Variants in SH3TC1 observed in about 807,000 individuals in gnomAD.
SH3TC1 encodes the protein SH3 domain and tetratricopeptide repeats 1, also known as SH3 domain and tetratricopeptide repeat-containing protein 1.
Under a neutral mutation model 117.3 loss-of-function variants are expected in SH3TC1, and 135 were observed. The ratio of observed to expected loss-of-function variants is 1.15; its 90% CI spans 1.00 to 1.33. The LOEUF is 1.33. Among genes scored for constraint, SH3TC1 ranks in the 40% most tolerant of loss-of-function variants. The pLI is 0.00. For synonymous variants in SH3TC1, 898 were observed against 816.9 expected (o/e 1.10, Z -1.69); for missense variants, 2,092 against 1,794.3 (o/e 1.17, Z -3.00).
At chr4:8,195,792 C>T (rs911752495), upstream of SH3TC1, among the ~76,000 whole-genome samples, 1 of 152,050 alleles carries the variant, frequency 6.6e-6, no homozygotes, top group Admixed American at 6.5e-5. Context: ...CTGGGGGCAC[C>T]CGCTTTGAGT....
At position 8,233,527 on chromosome 4, in the gene SH3TC1, G is replaced by T. The variant is rs1437065960; in HGVS notation, c.3282+14G>T. 1 of 1,595,284 alleles carries T rather than the reference G, an allele frequency of 6.3e-7. No homozygotes were observed. The highest frequency in any genetic ancestry group is 1.3e-5 in the African/African-American group (1 of 74,528). ...CTCTACATCCAGGTGAGTGATGAGG[G>T]ATGCAGGAGGGCCTCTGCACATGTT... On this transcript the variant is annotated intron_variant, in intron 14 of 17. Coordinates refer to ENST00000245105, the MANE Select transcript of SH3TC1 (RefSeq NM_018986.5).
intron 10 of SH3TC1, chr4:8,224,907 G>C (rs1720315425): frequency 2.1e-6 from 1 of 479,930 alleles, no homozygotes; most frequent in Admixed American, 3.6e-5. Context: ...TAGAACATGA[G>C]AATTCTCTGG....
chr4:8,209,958 G>A lies in SH3TC1; in HGVS notation c.247+136G>A. 1 of 927,262 alleles carries A rather than the reference G, an allele frequency of 1.1e-6. No individual in the cohort carries two copies. Among genetic ancestry groups the A allele is most frequent in the Non-Finnish European group, 1.6e-6 (1 of 621,314 alleles). The allele number at this position is 927,262 out of a possible 1,614,324, so 57.4% of individuals were successfully genotyped here. On this transcript the variant is annotated intron_variant, in intron 3 of 17. Coordinates refer to ENST00000245105, the MANE Select transcript of SH3TC1 (RefSeq NM_018986.5). This position sits in a 1 kb window ranked among gnomAD's most constrained non-coding sequence, Gnocchi z 5.9. The stretch of plus-strand genomic sequence containing the variant: ...CCACCTTAAAATCATGATGGGAATA[G>A]AAAGAAGGGTTTGTTAAATGCGCAT...
Position 8,225,032 on chromosome 4 carries a change from C to A in SH3TC1, c.1244-143C>A, listed in dbSNP as rs1434488507. 82 of 1,014,324 alleles carry A rather than the reference C, an allele frequency of 8.1e-5. No individual in the cohort carries two copies. Among genetic ancestry groups the A allele is most frequent in the Non-Finnish European group, 1.3e-5 (9 of 677,936 alleles). 62.8% of individuals were successfully genotyped at this position (1,014,324 alleles called of 1,614,324 possible). On this transcript the variant is annotated intron_variant, in intron 10 of 17. Coordinates refer to ENST00000245105, the MANE Select transcript of SH3TC1 (RefSeq NM_018986.5). This position sits in a 1 kb window ranked among gnomAD's most constrained non-coding sequence, Gnocchi z 5.5. ...CACCCTGCAACACTCCAGCCCGCAA[C>A]ACCAGCACCCTGCAACATCTCAGCC...
At chr4:8,208,959 C>A (rs1242228224) in intron 2 of SH3TC1, among the ~76,000 whole-genome samples, 1 of 152,194 alleles carries the variant, frequency 6.6e-6, no homozygotes, top group Non-Finnish European at 1.5e-5. Context: ...GATCCTGAGG[C>A]CTGGATAGAG....
At chr4:8,208,539 T>C (rs573675161) in intron 2 of SH3TC1, among the ~76,000 whole-genome samples, 67 of 152,052 alleles carry the variant, frequency 4.4e-4, no homozygotes, top group Non-Finnish European at 7.6e-4. Context: ...GGCTAATTTT[T>C]GTATTTTTAG....
At position 8,228,660 on chromosome 4, in the gene SH3TC1, C is replaced by A; in HGVS notation, c.2950+16C>A. 6.9e-7 allele frequency: 1 copy of A among 1,455,656 alleles called. No homozygotes were observed. Among genetic ancestry groups the A allele is most frequent in the South Asian group, 1.4e-5 (1 of 69,814 alleles). The allele number at this position is 1,455,656 out of a possible 1,614,324, so 90.2% of individuals were successfully genotyped here. On this transcript the variant is annotated intron_variant, in intron 12 of 17. Coordinates refer to ENST00000245105, the MANE Select transcript of SH3TC1 (RefSeq NM_018986.5). The stretch of plus-strand genomic sequence containing the variant: ...CACGTGGAGAGTGAGTGCCCCAGTT[C>A]CTTCTGTGTGCCTTCCGGGGCCACT...
chr4:8,212,593 C>G (rs561358194), intron 3 of SH3TC1, 108 bp from the exon 4 acceptor site: 5 of 1,486,524 alleles, frequency 3.4e-6, no homozygotes, highest in South Asian at 1.3e-5. Flanking sequence ...ACTGCCCAGG[C>G]CTTCGGGGTC....
chr4:8,227,578 G>A lies in SH3TC1; in HGVS notation c.1884G>A (p.Met628Ile), dbSNP rs1408574264. 11 of 1,520,420 alleles carry A rather than the reference G, an allele frequency of 7.2e-6. No homozygotes were observed. The highest frequency in any genetic ancestry group is 9.7e-6 in the Non-Finnish European group (11 of 1,136,874). The allele number at this position is 1,520,420 out of a possible 1,614,324, so 94.2% of individuals were successfully genotyped here. Residue 628 changes from methionine (M) to isoleucine (I), a missense_variant, in exon 12 of 18, where the codon ATG (methionine) becomes ATA (isoleucine). Transcript: ENST00000245105. ...EKCAQVVPKA[M>I]ALLLGTPDHI... Reference sequence around the variant, plus strand: ...GTGCACAGGTGGTGCCCAAAGCCATGGCCCTGCTCCTGGGGACGCCTGACC... The same window carrying A: ...GTGCACAGGTGGTGCCCAAAGCCATAGCCCTGCTCCTGGGGACGCCTGACC...
In SH3TC1 at chr4:8,219,350, C is replaced by T. The variant is rs113123997; in HGVS notation, c.932C>T (p.Ser311Leu). 20 of 1,594,856 alleles carry T rather than the reference C, an allele frequency of 1.3e-5. No homozygotes were observed. Among genetic ancestry groups the T allele is most frequent in the East Asian group, 4.5e-5 (2 of 44,458 alleles). ...TCTTCCGCAGCTGTGGGCCTGGCCTCGGCATTGGCAGACTTCCAGGGCTCG... is the reference window on the plus strand; with the variant it reads ...TCTTCCGCAGCTGTGGGCCTGGCCTTGGCATTGGCAGACTTCCAGGGCTCG... ...GNPLMAVGLA[S>L]ALADFQGSGP... The change falls in exon 9 of 18, where the codon TCG becomes TTG. Residue 311 changes from serine (S) to leucine (L), a missense_variant. By Grantham distance (145) the Ser-to-Leu change is moderately radical (BLOSUM62 -2). Coordinates refer to ENST00000245105, the MANE Select transcript of SH3TC1 (RefSeq NM_018986.5).
At chr4:8,200,453 C>T (rs1334672894) in intron 1 of SH3TC1, among the ~76,000 whole-genome samples, 5 of 152,208 alleles carry the variant, frequency 3.3e-5, no homozygotes, top group East Asian at 1.9e-4. Flanking sequence ...CCAGGTGAGC[C>T]GAGGATGCTG....
rs573747200 is a variant in SH3TC1 at position 8,205,650 on chromosome 4, C to T, written c.172+284C>T. 14 of 764,574 alleles carry T rather than the reference C, an allele frequency of 1.8e-5. No individual in the cohort carries two copies. The highest frequency in any genetic ancestry group is 1.7e-4 in the South Asian group (13 of 74,308). The allele number at this position is 764,574 out of a possible 1,614,324, so 47.4% of individuals were successfully genotyped here. On this transcript the variant is annotated intron_variant, in intron 2 of 17. Coordinates refer to ENST00000245105, the MANE Select transcript of SH3TC1 (RefSeq NM_018986.5). The surrounding 1 kb of genome is among the most constrained non-coding windows in gnomAD (Gnocchi z 5.4). ...GAACGAGGCAGGGGCCTTTGAACCC[C>T]CATGTTCAGAGACCGTTCCAGAAAC... is the stretch of plus-strand genomic sequence containing the variant.
At chr4:8,219,234 A>T in intron 8 of SH3TC1, 101 bp from the exon 9 acceptor site, 1 of 1,224,956 alleles carries the variant, frequency 8.2e-7, no homozygotes, top group Non-Finnish European at 1.1e-6. Context: ...TAACCAAAAG[A>T]TGAATTCCCC....
rs1285589780 is a variant in SH3TC1 at position 8,210,137 on chromosome 4, G to A, written c.247+315G>A. ...AGGTGCCATATGGTAAGAGGTAGAC[G>A]AAAGTACCCACTGCGTCGTGGGGTG... On this transcript the variant is annotated intron_variant, in intron 3 of 17. Transcript: ENST00000245105. The surrounding 1 kb of genome is among the most constrained non-coding windows in gnomAD (Gnocchi z 4.1). Among the ~76,000 whole-genome samples the A allele has an allele frequency of 3.3e-5, 5 of 152,316 alleles. No individual in the cohort carries two copies. The East Asian group carries it at 5.8e-4, about 18-fold the overall frequency.
At chr4:8,217,235 G>T in intron 7 of SH3TC1, 68 bp downstream of exon 7, 1 of 1,533,218 alleles carries the variant, frequency 6.5e-7, no homozygotes, top group Non-Finnish European at 8.8e-7. Flanking sequence ...CGGGTCATCT[G>T]GAGGTCAAGG....
At chr4:8,224,990 T>TG (rs773470091) in intron 10 of SH3TC1, 185 bp from the exon 11 acceptor site, 9 of 675,082 alleles carry the variant, frequency 1.3e-5, no homozygotes, top group Non-Finnish European at 2.3e-5. Flanking sequence ...CTGCAACACC[T>TG]CAGCCTGCAA....
chr4:8,226,879 CG>C (rs1269473627), intron 11 of SH3TC1, 100 bp from the exon 12 acceptor site: 1 of 819,994 alleles, frequency 1.2e-6, no homozygotes, highest in African/African-American at 1.8e-5. Flanking sequence ...GAAAGTGCTG[CG>C]CCGGGGACAC....
Position 8,217,023 on chromosome 4 carries a change from A to G in SH3TC1, c.695A>G (p.Asn232Ser). The G allele has an allele frequency of 6.2e-7, 1 of 1,613,812 alleles. No individual in the cohort carries two copies. Among genetic ancestry groups the G allele is most frequent in the Non-Finnish European group, 8.5e-7 (1 of 1,179,886 alleles). Residue 232 changes from asparagine (N) to serine (S), a missense_variant, in exon 7 of 18, where the codon AAT becomes AGT. Coordinates refer to ENST00000245105, the MANE Select transcript of SH3TC1 (RefSeq NM_018986.5). ...ATGACGGGTCCCCGGGATGCAGGAA[A>G]TGGCCCCCAGGCCCTCAGGCAGGCT... is the stretch of plus-strand genomic sequence containing the variant. ...RVMTGPRDAG[N>S]GPQALRQASG...
chr4:8,216,607 C>G (rs1578687313), intron 6 of SH3TC1, among the ~76,000 whole-genome samples: 1 of 152,244 alleles, frequency 6.6e-6, no homozygotes, highest in South Asian at 2.1e-4. Context: ...TCCTACCCGA[C>G]CACAGCAGGA....
Sources: allele counts gnomAD v4.1 joint callset (sites outside exome capture counted in the v4.1 genomes callset), GRCh38; gene constraint gnomAD v4.1.1; non-coding constraint Gnocchi (gnomAD v3.1); transcripts MANE v1.5; gene names NCBI Gene and HGNC (gene_info 2026-07-23, HGNC 2026-07-21).